CPM: variants seen among roughly 807,000 people sequenced by gnomAD.
The protein encoded by CPM is renal carboxypeptidase.
CPM carries 35 observed loss-of-function variants against 46.4 expected under a neutral mutation model. That is an observed-to-expected ratio of 0.75 (90% confidence interval 0.58 to 1.00). The LOEUF is 1.00. CPM is among the 50% of genes least tolerant of loss of function. The pLI is 0.00. For missense variants in CPM, 422 were observed against 530.4 expected, an observed-to-expected ratio of 0.80 and a Z score of 2.01; for synonymous variants, 195 against 195.3, an observed-to-expected ratio of 1.00 and a Z score of 0.01.
At chr12:68,924,289 G>A (rs985026030) in intron 2 of CPM, among the ~76,000 whole-genome samples, 7 of 152,112 alleles carry the variant, frequency 4.6e-5, no homozygotes, top group African/African-American at 1.7e-4. Context: ...GAGGTCAGGA[G>A]TTCGAGACCA....
At chr12:68,893,612 A>T (rs959593272) in intron 2 of CPM, among the ~76,000 whole-genome samples, 30 of 152,212 alleles carry the variant, frequency 2.0e-4, no homozygotes, top group African/African-American at 7.2e-4. Flanking sequence ...TCAATTCTAA[A>T]GTCTACTTAG....
intron 1 of CPM, among the ~76,000 whole-genome samples, chr12:68,949,191 C>T (rs78425251): frequency 2.6e-5 from 4 of 152,100 alleles, no homozygotes; most frequent in South Asian, 2.1e-4. Flanking sequence ...GCCAACATGG[C>T]GAAAGCTCAT....
chr12:68,863,286 G>A (rs1885288839), intron 7 of CPM, among the ~76,000 whole-genome samples: 2 of 152,168 alleles, frequency 1.3e-5, no homozygotes, highest in African/African-American at 4.8e-5. Flanking sequence ...CTGCTTTGAG[G>A]AGTCCAGGGG....
chr12:68,939,326 T>A (rs1188658276), intron 1 of CPM, among the ~76,000 whole-genome samples: 1 of 147,862 alleles, frequency 6.8e-6, no homozygotes, highest in Non-Finnish European at 1.5e-5. Context: ...TATATACATA[T>A]TGTATTTATA....
At chr12:68,861,081 C>A (rs1244916853) in intron 7 of CPM, among the ~76,000 whole-genome samples, 1 of 151,936 alleles carries the variant, frequency 6.6e-6, no homozygotes, top group Non-Finnish European at 1.5e-5. Context: ...GGGGTTTCGC[C>A]ATGTTGCACA....
rs1884687429 is a variant in CPM, at chr12:68,851,602, C to G, written c.*4835G>C. On this transcript the variant is annotated 3_prime_UTR_variant, in exon 9 of 9. Coordinates refer to ENST00000551568, the MANE Select transcript of CPM (RefSeq NM_198320.5). ...CTCCAACCTGGGTGTTAGGGCGAGA[C>G]TCCGTCTCAAAAAAAAAAAAAAGAA... 1 of 148,018 alleles carries G rather than the reference C, an allele frequency of 6.8e-6. No individual in the cohort carries two copies. The highest frequency in any genetic ancestry group is 2.6e-5 in the African/African-American group (1 of 38,828). 9.2% of individuals were successfully genotyped at this position (148,018 alleles called of 1,614,324 possible). A position where few individuals can be genotyped will look rare whatever the true frequency, so the allele number is the denominator to read the frequency against.
chr12:68,885,278 A>C (rs1483034655), intron 3 of CPM, among the ~76,000 whole-genome samples: 4 of 152,184 alleles, frequency 2.6e-5, no homozygotes. Flanking sequence ...GGAGAGAATC[A>C]TAAGTGTGAT....
chr12:68,932,812 C>T lies in CPM; in HGVS notation c.26G>A (p.Gly9Glu). The T allele has an allele frequency of 1.2e-6, 2 of 1,614,116 alleles. No individual in the cohort carries two copies. Among genetic ancestry groups the T allele is most frequent in the Non-Finnish European group, 1.7e-6 (2 of 1,180,002 alleles). ...CGCAGCTACCAAAGGCAGCAACAGC[C>T]CTAGCCAGAGGCACGGGAAGTCCAT... MDFPCLWLGLLLPLVAALD... is the reference protein window; with the variant it reads MDFPCLWLELLLPLVAALD... The change falls in exon 2 of 9, where the codon GGG (glycine) becomes GAG (glutamate). Residue 9 changes from glycine to glutamate, a missense_variant. Gly to Glu is a moderately conservative substitution (Grantham distance 98). Transcript: ENST00000551568.
chr12:68,961,940 T>C (rs11177419), intron 1 of CPM, among the ~76,000 whole-genome samples: 13,044 of 151,704 alleles, frequency 0.086, 726 homozygotes, highest in South Asian at 0.2. Context: ...GTGGCTCATG[T>C]CTGTAATCCC....
At chr12:68,914,275 C>T (rs1454228898) in intron 2 of CPM, among the ~76,000 whole-genome samples, 3 of 151,098 alleles carry the variant, frequency 2.0e-5, no homozygotes, top group South Asian at 2.1e-4. Flanking sequence ...GGTTCCAGTA[C>T]GGGTTTTCCA....
chr12:68,891,727 G>GC (rs1886659981), intron 2 of CPM, among the ~76,000 whole-genome samples: 2 of 151,810 alleles, frequency 1.3e-5, no homozygotes, highest in Non-Finnish European at 2.9e-5. Flanking sequence ...GTGTTGTTTT[G>GC]TTTTTTTGGG....
rs1388188107 is a variant in CPM at position 68,916,904 on chromosome 12, A to G, written c.160+15774T>C. Among the ~76,000 whole-genome samples the G allele has an allele frequency of 3.3e-5, 5 of 151,588 alleles. No homozygotes were observed. The South Asian group carries it at 8.3e-4, about 25-fold the overall frequency. On this transcript the variant is annotated intron_variant, in intron 2 of 8. Transcript: ENST00000551568. ...CTCTTGTCTCAAAAAAAAAAAAAAA[A>G]AAAGAGAGAGAGAGAGAGAATCTCT...
chr12:68,866,926 A>C lies in CPM; in HGVS notation c.910T>G (p.Leu304Val). The part of the protein sequence containing the change: ...PSFWNNNKAS[L>V]IEYIKQVHLG... ...TGCACCTGCTTTATATATTCAATTA[A>C]TGAGGCTTTGTTATTATTCCAAAAG... The change falls in exon 7 of 9, where the codon TTA (leucine) becomes GTA (valine). Residue 304 changes from leucine to valine, a missense_variant. Physicochemically the swap from Leu to Val is conservative, Grantham distance 32. Coordinates refer to ENST00000551568, the MANE Select transcript of CPM (RefSeq NM_198320.5). 6.2e-7 allele frequency: 1 copy of C among 1,613,998 alleles called. No homozygotes were observed.
At chr12:68,933,766 T>C (rs1430560029), upstream of CPM, among the ~76,000 whole-genome samples, 1 of 152,244 alleles carries the variant, frequency 6.6e-6, no homozygotes, top group Non-Finnish European at 1.5e-5. Flanking sequence ...GTGGAAGTTT[T>C]AAATGCCACG....
In CPM at chr12:68,856,685, A is replaced by G. The variant is rs756229444; in HGVS notation, c.1090-6T>C. The G allele has an allele frequency of 4.3e-6, 7 of 1,612,682 alleles. No individual in the cohort carries two copies. On this transcript the variant is annotated splice_polypyrimidine_tract_variant and splice_region_variant and intron_variant, in intron 8 of 8. Transcript: ENST00000551568. Reference sequence around the variant, plus strand: ...TCATGTCCAGGGACTGTAACCTGAGAAGAAACAAGAGACAATTATATGAGT... The same window carrying G: ...TCATGTCCAGGGACTGTAACCTGAGGAGAAACAAGAGACAATTATATGAGT...
At chr12:68,948,780 G>T (rs923630924) in intron 1 of CPM, among the ~76,000 whole-genome samples, 1 of 152,148 alleles carries the variant, frequency 6.6e-6, no homozygotes, top group African/African-American at 2.4e-5. Flanking sequence ...AAAAAGTCTT[G>T]CTAGACTCCT....
At chr12:68,878,282 G>A (rs1231216668) in intron 3 of CPM, among the ~76,000 whole-genome samples, 1 of 152,220 alleles carries the variant, frequency 6.6e-6, no homozygotes, top group Admixed American at 6.5e-5. Context: ...AAACAAAGAT[G>A]ATAATAGCCT....
At chr12:68,903,989 T>C (rs556206850) in intron 2 of CPM, among the ~76,000 whole-genome samples, 8 of 152,118 alleles carry the variant, frequency 5.3e-5, no homozygotes, top group African/African-American at 1.7e-4. Context: ...TGGGCTCAGG[T>C]GATCCTCCCG....
At chr12:68,925,943 C>A (rs1425340650) in intron 2 of CPM, among the ~76,000 whole-genome samples, 2 of 152,086 alleles carry the variant, frequency 1.3e-5, no homozygotes, top group Non-Finnish European at 2.9e-5. Flanking sequence ...GGGGGTCTCA[C>A]CCTATCACCC....
Sources: allele counts gnomAD v4.1 joint callset (sites outside exome capture counted in the v4.1 genomes callset), GRCh38; gene constraint gnomAD v4.1.1; transcripts MANE v1.5; gene names NCBI Gene and HGNC (gene_info 2026-07-23, HGNC 2026-07-21).